Variants in PTCHD4 observed in about 807,000 individuals in gnomAD.
The protein encoded by PTCHD4 is patched domain containing 4.
PTCHD4 carries 33 observed loss-of-function variants against 58.1 expected under a neutral mutation model. The observed-to-expected ratio is 0.57, with a 90% CI of 0.43 to 0.76. The LOEUF (loss-of-function observed/expected upper bound fraction) is 0.76, where lower values mean the gene tolerates loss of function less well. Among genes scored for constraint, PTCHD4 ranks in the 30% least tolerant of loss-of-function variants. The pLI is 0.00. For synonymous variants in PTCHD4, 478 were observed against 409.6 expected, an observed-to-expected ratio of 1.17 and a Z score of -2.02; for missense variants, 1,058 against 1,027.1, an observed-to-expected ratio of 1.03 and a Z score of -0.41.
chr6:47,995,652 A>T (rs1403069302), intron 4 of PTCHD4, among the ~76,000 whole-genome samples: 1 of 152,248 alleles, frequency 6.6e-6, no homozygotes, highest in African/African-American at 2.4e-5. Context: ...AAAATTACAG[A>T]TAATTCTGTC....
chr6:47,952,939 T>C (rs1445925827), intron 4 of PTCHD4, among the ~76,000 whole-genome samples: 1 of 152,080 alleles, frequency 6.6e-6, no homozygotes, highest in Admixed American at 6.6e-5. Context: ...ATCACATATA[T>C]ATGCAGTATA....
At chr6:47,890,209 T>A (rs964624194) in intron 4 of PTCHD4, among the ~76,000 whole-genome samples, 9 of 151,352 alleles carry the variant, frequency 5.9e-5, no homozygotes, top group Admixed American at 1.3e-4. Context: ...TTGTATGTTT[T>A]TATATATATT....
chr6:48,036,557 C>A (rs990319616), intron 3 of PTCHD4, among the ~76,000 whole-genome samples: 7 of 152,072 alleles, frequency 4.6e-5, no homozygotes, highest in African/African-American at 1.7e-4. Flanking sequence ...TGCTTTCTAC[C>A]CATTAGTCAT....
chr6:47,925,513 A>G (rs1765581224), intron 4 of PTCHD4, among the ~76,000 whole-genome samples: 1 of 152,192 alleles, frequency 6.6e-6, no homozygotes, highest in Non-Finnish European at 1.5e-5. Context: ...GAGTGGCACC[A>G]ACTCATGCCA....
intron 3 of PTCHD4, among the ~76,000 whole-genome samples, chr6:48,023,474 A>G (rs1316819669): frequency 1.3e-5 from 2 of 152,196 alleles, no homozygotes; most frequent in African/African-American, 4.8e-5. Flanking sequence ...AAATCAAGAC[A>G]ATGCTCATTC....
At chr6:48,010,857 T>G (rs1403614312) in intron 3 of PTCHD4, among the ~76,000 whole-genome samples, 2 of 152,130 alleles carry the variant, frequency 1.3e-5, no homozygotes, top group Non-Finnish European at 2.9e-5. Context: ...TCTGTTCCTG[T>G]GTTAGTTTGC....
At chr6:47,917,109 A>C (rs1765282085) in intron 4 of PTCHD4, among the ~76,000 whole-genome samples, 1 of 152,008 alleles carries the variant, frequency 6.6e-6, no homozygotes, top group South Asian at 2.1e-4. Flanking sequence ...TTTTCCAATA[A>C]TACTACTTTT....
intron 4 of PTCHD4, among the ~76,000 whole-genome samples, chr6:47,979,128 C>A (rs1459341828): frequency 1.3e-5 from 2 of 152,046 alleles, no homozygotes; most frequent in East Asian, 3.9e-4. Flanking sequence ...CAAAACTAAT[C>A]AATGGTGACA....
intron 4 of PTCHD4, among the ~76,000 whole-genome samples, chr6:47,936,889 T>C (rs1473385760): frequency 6.6e-6 from 1 of 152,214 alleles, no homozygotes; most frequent in Non-Finnish European, 1.5e-5. Flanking sequence ...GCTCCAGTCT[T>C]AACCTAGAGG....
At chr6:48,082,820 T>C (rs867154355) in intron 1 of PTCHD4, among the ~76,000 whole-genome samples, 13 of 152,110 alleles carry the variant, frequency 8.5e-5, no homozygotes, top group Admixed American at 4.6e-4. Flanking sequence ...CACTGAAATG[T>C]ATATAACGAA....
intron 3 of PTCHD4, among the ~76,000 whole-genome samples, chr6:48,032,875 T>C (rs796920188): frequency 6.6e-6 from 1 of 152,278 alleles, no homozygotes; most frequent in African/African-American, 2.4e-5. Context: ...GCATTTTCAT[T>C]ATTTTTATTT....
chr6:47,868,341 C>T lies in PTCHD4; in HGVS notation c.*9962G>A, dbSNP rs1468176384. ...TATTACCAACAAACTTGAAATTCTT[C>T]CTTTATATGGGGCCTTATTATTGTG... On this transcript the variant is annotated 3_prime_UTR_variant, in exon 5 of 5. Coordinates refer to ENST00000339488, the MANE Select transcript of PTCHD4 (RefSeq NM_001384253.1). Among the ~76,000 whole-genome samples, 14 of 151,624 alleles carry T rather than the reference C, an allele frequency of 9.2e-5. No individual in the cohort carries two copies. The highest frequency in any genetic ancestry group is 9.2e-4 in the Admixed American group (14 of 15,174).
intron 4 of PTCHD4, 139 bp downstream of exon 4, chr6:48,008,495 C>T (rs1762545337): frequency 1.0e-6 from 1 of 994,654 alleles, no homozygotes; most frequent in African/African-American, 1.6e-5. Flanking sequence ...GAAACAGACA[C>T]AACCCCAAGT....
chr6:48,006,283 G>A (rs538760303), intron 4 of PTCHD4, among the ~76,000 whole-genome samples: 1 of 152,286 alleles, frequency 6.6e-6, no homozygotes, highest in South Asian at 2.1e-4. Context: ...GTGGCTTTTA[G>A]CATTCCAGTT....
At chr6:48,011,206 G>A (rs1762658015) in intron 3 of PTCHD4, among the ~76,000 whole-genome samples, 1 of 152,146 alleles carries the variant, frequency 6.6e-6, no homozygotes, top group African/African-American at 2.4e-5. Flanking sequence ...CAGTGTAAAA[G>A]CGTTCCTATT....
chr6:47,967,850 G>T (rs1394597101), intron 4 of PTCHD4, among the ~76,000 whole-genome samples: 1 of 152,110 alleles, frequency 6.6e-6, no homozygotes, highest in Admixed American at 6.6e-5. Context: ...CTCTGAATTA[G>T]GCTTTGGCTT....
chr6:47,933,950 A>G (rs1765914664), intron 4 of PTCHD4, among the ~76,000 whole-genome samples: 1 of 152,230 alleles, frequency 6.6e-6, no homozygotes, highest in Admixed American at 6.5e-5. Context: ...TTTGATTATT[A>G]TACTTAAACA....
intron 3 of PTCHD4, among the ~76,000 whole-genome samples, chr6:48,011,832 C>A (rs1272609869): frequency 6.6e-6 from 1 of 152,142 alleles, no homozygotes; most frequent in Non-Finnish European, 1.5e-5. Context: ...AATAGGGAAT[C>A]TTTTCTCCAT....
Position 47,861,353 on chromosome 6 carries a change from T to TC in PTCHD4, c.*16949_*16950insG, listed in dbSNP as rs11459871. 0.74 allele frequency among the ~76,000 whole-genome samples: 112,359 copies of TC among 151,748 alleles called. 41,823 individuals are homozygous for TC. Among genetic ancestry groups the TC allele is most frequent in the East Asian group, 0.84 (4,305 of 5,122 alleles). ...TGTGTCTCAATTCTTGCCTGACTGT[T>TC]TACTTACTAGTATTTATTTCTTTTG... On this transcript the variant is annotated 3_prime_UTR_variant, in exon 5 of 5. Transcript: ENST00000339488.
Sources: gnomAD v4.1 joint callset for allele counts (sites outside exome capture counted in the v4.1 genomes callset) on GRCh38, gnomAD v4.1.1 for gene constraint, MANE v1.5 for transcripts, NCBI Gene and HGNC (gene_info 2026-07-23, HGNC 2026-07-21) for gene names.